Variants in CLSTN2 observed in about 807,000 individuals in gnomAD.
CLSTN2 encodes calsyntenin-2.
Under a neutral mutation model 101.2 loss-of-function variants are expected in CLSTN2, and 48 were observed. That is an observed-to-expected ratio of 0.47 (90% CI 0.38 to 0.60). The LOEUF (loss-of-function observed/expected upper bound fraction) is 0.60, where lower values mean the gene tolerates loss of function less well. CLSTN2 is among the 20% of genes least tolerant of loss of function. The pLI is 0.00. For synonymous variants in CLSTN2, 481 were observed against 463.6 expected (o/e 1.04, Z -0.48); for missense variants, 1,160 against 1,238.2 (o/e 0.94, Z 0.95).
chr3:140,060,141 TCAATA>T (rs2107772336), intron 1 of CLSTN2, among the ~76,000 whole-genome samples: 1 of 152,338 alleles, frequency 6.6e-6, no homozygotes, highest in Non-Finnish European at 1.5e-5. Context: ...TAGGAAGAGT[TCAATA>T]CAAGTTTGCC....
At chr3:140,393,663 G>C (rs1421902036) in intron 2 of CLSTN2, among the ~76,000 whole-genome samples, 2 of 152,194 alleles carry the variant, frequency 1.3e-5, no homozygotes, top group Non-Finnish European at 2.9e-5. Flanking sequence ...ACAAGTAAGA[G>C]TTAACCAAGG....
intron 2 of CLSTN2, among the ~76,000 whole-genome samples, chr3:140,233,193 G>A (rs1396961943): frequency 6.6e-6 from 1 of 152,078 alleles, no homozygotes; most frequent in Non-Finnish European, 1.5e-5. Context: ...CTCTGGTTCT[G>A]CACTTGCATT....
intron 1 of CLSTN2, among the ~76,000 whole-genome samples, chr3:140,081,177 A>T (rs1246068843): frequency 1.3e-5 from 2 of 152,228 alleles, no homozygotes; most frequent in Non-Finnish European, 2.9e-5. Context: ...TCACGGGGGA[A>T]ATTTTGAACA....
chr3:140,211,398 TCA>T lies in CLSTN2; in HGVS notation c.232+35352_232+35353del, dbSNP rs59994883. Among the ~76,000 whole-genome samples, 195 of 113,476 alleles carry T rather than the reference TCA, an allele frequency of 1.7e-3. 1 individual carries two copies. The highest frequency in any genetic ancestry group is 5.9e-3 in the African/African-American group (183 of 31,194). The allele number at this position is 113,476 out of a possible 152,430, so 74.4% of individuals were successfully genotyped here. A position where few individuals can be genotyped will look rare whatever the true frequency, so the allele number is the denominator to read the frequency against. On this transcript the variant is annotated intron_variant, in intron 2 of 16. Transcript: ENST00000458420. ...AACCACCTGATATATGCTTGGTAATTCACACACACACACACACACACACACAC... is the reference window on the plus strand; with the variant it reads ...AACCACCTGATATATGCTTGGTAATTCACACACACACACACACACACACAC...
At chr3:140,273,215 G>T (rs2086760926) in intron 2 of CLSTN2, among the ~76,000 whole-genome samples, 1 of 151,948 alleles carries the variant, frequency 6.6e-6, no homozygotes, top group African/African-American at 2.4e-5. Flanking sequence ...CTGTCGGGGG[G>T]TGGGGGGCAA....
At chr3:140,270,834 G>A (rs932934870) in intron 2 of CLSTN2, among the ~76,000 whole-genome samples, 5 of 152,066 alleles carry the variant, frequency 3.3e-5, no homozygotes, top group Non-Finnish European at 5.9e-5. Flanking sequence ...GCAGAACTCC[G>A]GTACCTGTAG....
At chr3:140,146,591 G>C (rs2009784281) in intron 1 of CLSTN2, among the ~76,000 whole-genome samples, 1 of 152,218 alleles carries the variant, frequency 6.6e-6, no homozygotes, top group Non-Finnish European at 1.5e-5. Flanking sequence ...AAATTTGAAA[G>C]AAGTTGTATT....
At chr3:140,232,900 G>A (rs2086383226) in intron 2 of CLSTN2, among the ~76,000 whole-genome samples, 1 of 152,022 alleles carries the variant, frequency 6.6e-6, no homozygotes, top group African/African-American at 2.4e-5. Context: ...GCTCTTTCCT[G>A]GGTGACTGCC....
At chr3:140,350,099 C>T (rs1479300429) in intron 2 of CLSTN2, among the ~76,000 whole-genome samples, 1 of 152,256 alleles carries the variant, frequency 6.6e-6, no homozygotes, top group Non-Finnish European at 1.5e-5. Context: ...CTTGCAATCT[C>T]TGGCTTTGAC....
At chr3:140,006,460 C>G (rs2006956619) in intron 1 of CLSTN2, among the ~76,000 whole-genome samples, 2 of 152,188 alleles carry the variant, frequency 1.3e-5, no homozygotes, top group African/African-American at 4.8e-5. Context: ...GGCAGTTGGT[C>G]TCCACAGCCT....
At chr3:140,200,741 C>T (rs965856794) in intron 2 of CLSTN2, among the ~76,000 whole-genome samples, 4 of 152,148 alleles carry the variant, frequency 2.6e-5, no homozygotes, top group African/African-American at 4.8e-5. Flanking sequence ...TCTCAATGAT[C>T]GAATTGAATT....
At chr3:140,432,776 A>G (rs958435432) in intron 5 of CLSTN2, among the ~76,000 whole-genome samples, 2 of 152,174 alleles carry the variant, frequency 1.3e-5, no homozygotes, top group Admixed American at 6.5e-5. Flanking sequence ...TTCTAGGTCC[A>G]ATAACATCAG....
rs557248751 is a variant in CLSTN2 at position 140,404,734 on chromosome 3, C to G, written c.605C>G (p.Thr202Ser). Residue 202 changes from threonine to serine, a missense_variant, in exon 4 of 17, where the codon ACC (threonine) becomes AGC (serine). Coordinates refer to ENST00000458420, the MANE Select transcript of CLSTN2 (RefSeq NM_022131.3). ...YSQICNYEIV[T>S]TDVPFAIDRN... Reference sequence around the variant, plus strand: ...CAGATCTGCAACTATGAAATCGTCACCACAGATGTGCCTTTTGCCATCGAC... The same window carrying G: ...CAGATCTGCAACTATGAAATCGTCAGCACAGATGTGCCTTTTGCCATCGAC... 97 of 1,614,182 alleles carry G rather than the reference C, an allele frequency of 6.0e-5. No individual in the cohort carries two copies. The East Asian group carries it at 1.9e-3, about 32-fold the overall frequency.
At chr3:140,526,827 C>A (rs1312206694) in intron 8 of CLSTN2, among the ~76,000 whole-genome samples, 1 of 151,978 alleles carries the variant, frequency 6.6e-6, no homozygotes, top group African/African-American at 2.4e-5. Flanking sequence ...CAAAAATAAA[C>A]AATGGAATAA....
At chr3:140,286,393 T>C (rs1393434362) in intron 2 of CLSTN2, among the ~76,000 whole-genome samples, 3 of 152,238 alleles carry the variant, frequency 2.0e-5, no homozygotes, top group Non-Finnish European at 2.9e-5. Flanking sequence ...CCTGTGTAGA[T>C]GTTTTGTAGG....
intron 1 of CLSTN2, among the ~76,000 whole-genome samples, chr3:140,146,471 T>A (rs1263100805): frequency 6.6e-6 from 1 of 151,884 alleles, no homozygotes; most frequent in Non-Finnish European, 1.5e-5. Flanking sequence ...TGTGGAGGAG[T>A]CTGTACTGTA....
intron 8 of CLSTN2, among the ~76,000 whole-genome samples, chr3:140,480,769 C>A (rs1417546711): frequency 6.6e-6 from 1 of 152,186 alleles, no homozygotes; most frequent in African/African-American, 2.4e-5. Flanking sequence ...TGTTCATATC[C>A]TTCACCCACT....
At chr3:140,441,086 A>G (rs1245836933) in intron 5 of CLSTN2, among the ~76,000 whole-genome samples, 1 of 152,246 alleles carries the variant, frequency 6.6e-6, no homozygotes, top group Non-Finnish European at 1.5e-5. Flanking sequence ...TAGACCCATA[A>G]TAGCAGTTAA....
At chr3:140,458,233 A>G (rs557916568) in intron 6 of CLSTN2, among the ~76,000 whole-genome samples, 1 of 150,586 alleles carries the variant, frequency 6.6e-6, no homozygotes, top group African/African-American at 2.4e-5. Flanking sequence ...AGGCTCTGAT[A>G]TACAAAAGTC....
Sources: allele counts gnomAD v4.1 joint callset (sites outside exome capture counted in the v4.1 genomes callset), GRCh38; gene constraint gnomAD v4.1.1; transcripts MANE v1.5; gene names NCBI Gene and HGNC (gene_info 2026-07-23, HGNC 2026-07-21).